TDRD12: variants seen among roughly 807,000 people sequenced by gnomAD.
TDRD12 encodes the protein tudor domain containing 12.
A neutral mutation model predicts 133.5 loss-of-function variants in TDRD12; 158 were observed. That is an observed-to-expected ratio of 1.18 (90% CI 1.04 to 1.35). The LOEUF is 1.35. Ranked by LOEUF, TDRD12 falls within the 40% of genes most tolerant of loss-of-function variation. The probability of loss-of-function intolerance (pLI) is 0.00; values close to 1 mark genes in which losing one functional copy is unlikely to be tolerated. For missense variants in TDRD12, 1,443 were observed against 1,321.3 expected (o/e 1.09, Z -1.43); for synonymous variants, 460 against 477.9 (o/e 0.96, Z 0.49).
intron 5 of TDRD12, among the ~76,000 whole-genome samples, chr19:32,749,076 C>G (rs1282132384): frequency 6.6e-6 from 1 of 152,128 alleles, no homozygotes; most frequent in Non-Finnish European, 1.5e-5. Context: ...ATGGGAAACA[C>G]CTGGGGTGCT....
At chr19:32,793,918 C>T (rs919093034) in intron 13 of TDRD12, among the ~76,000 whole-genome samples, 3 of 150,658 alleles carry the variant, frequency 2.0e-5, no homozygotes, top group Non-Finnish European at 4.4e-5. Context: ...CCTCAGCCTC[C>T]TATGTAGCTA....
intron 8 of TDRD12, among the ~76,000 whole-genome samples, chr19:32,771,556 C>T (rs532518821): frequency 2.0e-5 from 3 of 148,900 alleles, no homozygotes; most frequent in African/African-American, 4.9e-5. Context: ...ATCTTCATAT[C>T]GTCAGATGTG....
intron 1 of TDRD12, among the ~76,000 whole-genome samples, chr19:32,728,109 C>T (rs941498577): frequency 3.9e-5 from 6 of 152,160 alleles, no homozygotes; most frequent in Non-Finnish European, 8.8e-5. Flanking sequence ...CTCTATTCTA[C>T]TCTGTTGGTC....
In TDRD12 at chr19:32,813,664, A is replaced by G. The variant is rs1163159819; in HGVS notation, c.3049-20A>G. 2.1e-6 allele frequency: 3 copies of G among 1,423,140 alleles called. No individual in the cohort carries two copies. The East Asian group carries it at 7.4e-5, about 35-fold the overall frequency. 88.2% of individuals were successfully genotyped at this position (1,423,140 alleles called of 1,614,324 possible). Reference sequence around the variant, plus strand: ...TTTTGTTAAAGCCTCACCTAAAATAATGTTAAGTGCTTTTTTCAGGTTACT... The same window carrying G: ...TTTTGTTAAAGCCTCACCTAAAATAGTGTTAAGTGCTTTTTTCAGGTTACT... On this transcript the variant is annotated intron_variant, in intron 24 of 27. Transcript: ENST00000444215.
Position 32,750,181 on chromosome 19 carries a change from T to C in TDRD12, c.582+312T>C, listed in dbSNP as rs908674639. Among the ~76,000 whole-genome samples, 17 of 152,214 alleles carry C rather than the reference T, an allele frequency of 1.1e-4. 1 individual carries two copies. Among genetic ancestry groups the C allele is most frequent in the Admixed American group, 1.1e-3 (17 of 15,278 alleles). ...CTAATTTGCTGTAGCGTTAGTTCAC[T>C]GCCTTTCCCCCTAGACTTTCTCACT... On this transcript the variant is annotated intron_variant, in intron 6 of 27. Coordinates refer to ENST00000444215, the Ensembl canonical transcript of TDRD12.
chr19:32,824,129 G>A (rs893523448), downstream of TDRD12: 1 of 152,450 alleles, frequency 6.6e-6, no homozygotes, highest in African/African-American at 2.4e-5. Context: ...GCAGGTGAAG[G>A]AAAACGTCAT....
intron 2 of TDRD12, among the ~76,000 whole-genome samples, chr19:32,734,269 G>T (rs1377331570): frequency 6.6e-6 from 1 of 151,992 alleles, no homozygotes; most frequent in African/African-American, 2.4e-5. Context: ...AAGAGAAATT[G>T]TGTGGATCAG....
At chr19:32,725,595 C>A (rs1278571799) in intron 1 of TDRD12, among the ~76,000 whole-genome samples, 1 of 152,098 alleles carries the variant, frequency 6.6e-6, no homozygotes, top group Non-Finnish European at 1.5e-5. Flanking sequence ...TGTACCAGTA[C>A]CATGCTGTTT....
At chr19:32,744,583 G>A (rs7252343) in intron 4 of TDRD12, among the ~76,000 whole-genome samples, 87,069 of 149,428 alleles carry the variant, frequency 0.58, 26,083 homozygotes, top group East Asian at 0.82. Context: ...ATATATATAC[G>A]TGTGCCCCGC....
intron 1 of TDRD12, among the ~76,000 whole-genome samples, chr19:32,726,311 A>G (rs1036978466): frequency 6.6e-6 from 1 of 151,896 alleles, no homozygotes; most frequent in Non-Finnish European, 1.5e-5. Context: ...TGATCTCCTG[A>G]CCTTGGATCC....
intron 8 of TDRD12, among the ~76,000 whole-genome samples, chr19:32,768,985 C>G (rs1217297558): frequency 6.6e-6 from 1 of 152,106 alleles, no homozygotes; most frequent in African/African-American, 2.4e-5. Flanking sequence ...TCAAGCAGTC[C>G]TCCTGCTTCA....
chr19:32,796,792 G>A (rs964420016), intron 14 of TDRD12, among the ~76,000 whole-genome samples: 3 of 152,048 alleles, frequency 2.0e-5, no homozygotes, highest in Admixed American at 2.0e-4. Flanking sequence ...CGCCTCCATG[G>A]TCAGCCTGCT....
At chr19:32,804,302 G>A (rs546887532) in intron 21 of TDRD12, among the ~76,000 whole-genome samples, 31 of 151,494 alleles carry the variant, frequency 2.0e-4, no homozygotes, top group African/African-American at 7.5e-4. Flanking sequence ...TTGATCTCCT[G>A]ACCTCGTGAT....
At chr19:32,823,508 T>C (rs536222396), downstream of TDRD12, among the ~76,000 whole-genome samples, 21 of 152,284 alleles carry the variant, frequency 1.4e-4, no homozygotes, top group African/African-American at 4.1e-4. Context: ...CTGCTCTTGC[T>C]GGCCGTGACT....
chr19:32,794,516 A>G, intron 13 of TDRD12, 112 bp from the exon 14 acceptor site: 1 of 609,278 alleles, frequency 1.6e-6, no homozygotes, highest in Non-Finnish European at 2.9e-6. Flanking sequence ...GGGCTTGGAA[A>G]ATACTGGGTT....
intron 14 of TDRD12, among the ~76,000 whole-genome samples, chr19:32,797,272 C>T (rs1246995506): frequency 1.3e-5 from 2 of 152,182 alleles, no homozygotes; most frequent in African/African-American, 4.8e-5. Flanking sequence ...TGAGCCACTA[C>T]ACCCAGCCAG....
intron 8 of TDRD12, among the ~76,000 whole-genome samples, chr19:32,766,621 AT>A (rs546716841): frequency 2.0e-4 from 30 of 147,548 alleles, no homozygotes; most frequent in African/African-American, 3.7e-4. Context: ...ATTAGCCATA[AT>A]TTTTTTTTTT....
chr19:32,822,889 GTCTT>G, downstream of TDRD12, among the ~76,000 whole-genome samples: 1 of 152,330 alleles, frequency 6.6e-6, no homozygotes, highest in East Asian at 1.9e-4. Flanking sequence ...GATATTCACT[GTCTT>G]TATGAAATGG....
rs969193318 is a variant in TDRD12, at chr19:32,817,979, A to G, written c.3315-110A>G. 4.4e-6 allele frequency: 3 copies of G among 683,224 alleles called. No homozygotes were observed. In the African/African-American group the frequency reaches 5.5e-5, roughly 12 times the overall value. The allele number at this position is 683,224 out of a possible 1,614,324, so 42.3% of individuals were successfully genotyped here. ...AGCAGGCCTCTGTCTCAAAAAAAAA[A>G]AAAAAGTGTTTTTACCCATGCACTC... On this transcript the variant is annotated intron_variant, in intron 26 of 27. Coordinates refer to ENST00000444215, the Ensembl canonical transcript of TDRD12.
Sources: allele counts gnomAD v4.1 joint callset (sites outside exome capture counted in the v4.1 genomes callset), GRCh38; gene constraint gnomAD v4.1.1; transcripts MANE v1.5; gene names NCBI Gene and HGNC (gene_info 2026-07-23, HGNC 2026-07-21).